The following ELF5 variants were observed in gnomAD, a reference collection of about 807,000 sequenced individuals.
ELF5 encodes the protein ETS-related transcription factor Elf-5.
ELF5 carries 31 observed loss-of-function variants against 38.2 expected under a neutral mutation model. The ratio of observed to expected loss-of-function variants is 0.81; its 90% CI spans 0.61 to 1.10. ELF5 has a LOEUF of 1.10. Among genes scored for constraint, ELF5 ranks in the 50% least tolerant of loss-of-function variants. The pLI is 0.00. For synonymous variants in ELF5, 121 were observed against 112.5 expected, an observed-to-expected ratio of 1.08 and a Z score of -0.48; for missense variants, 300 against 306.6, an observed-to-expected ratio of 0.98 and a Z score of 0.16.
chr11:34,492,162 C>T (rs1218844626), intron 3 of ELF5: 3 of 152,248 alleles, frequency 2.0e-5, no homozygotes, highest in Non-Finnish European at 4.4e-5. Flanking sequence ...CAAACTTGTC[C>T]TCTTTCAGGG....
chr11:34,502,483 C>T (rs577310744), intron 2 of ELF5, among the ~76,000 whole-genome samples: 4 of 152,342 alleles, frequency 2.6e-5, no homozygotes, highest in Non-Finnish European at 5.9e-5. Flanking sequence ...GTGGCAACGT[C>T]CTTGTTGATA....
chr11:34,482,981 G>A (rs559469861), intron 4 of ELF5, among the ~76,000 whole-genome samples: 36 of 152,170 alleles, frequency 2.4e-4, no homozygotes, highest in Admixed American at 3.9e-4. Flanking sequence ...ACCAGGACAA[G>A]CATTGCCAGA....
At position 34,483,821 on chromosome 11, in the gene ELF5, C is replaced by T. The variant is rs569905126; in HGVS notation, c.407-1322G>A. ...AGTATACCATGACAACTATACTATA[C>T]TATATCATACTGCACTGTTCTGTAC... is the stretch of plus-strand genomic sequence containing the variant. On this transcript the variant is annotated intron_variant, in intron 4 of 6. Coordinates refer to ENST00000257832, the MANE Select transcript of ELF5 (RefSeq NM_001422.4). 1.9e-4 allele frequency among the ~76,000 whole-genome samples: 29 copies of T among 151,848 alleles called. No homozygotes were observed. The East Asian group carries it at 3.7e-3, about 19-fold the overall frequency.
intron 2 of ELF5, among the ~76,000 whole-genome samples, chr11:34,498,704 A>C (rs1436314945): frequency 2.6e-5 from 4 of 152,208 alleles, no homozygotes; most frequent in Admixed American, 6.5e-5. Context: ...ATGCATCTTC[A>C]AGAGAAAGAT....
intron 3 of ELF5, 110 bp from the exon 4 acceptor site, chr11:34,490,169 T>C (rs1850128206): frequency 2.5e-6 from 3 of 1,217,774 alleles, no homozygotes; most frequent in Admixed American, 3.4e-5. Context: ...CCTCTTGAGG[T>C]TGGTTACAAT....
At chr11:34,490,156 G>T in intron 3 of ELF5, 97 bp from the exon 4 acceptor site, 3 of 1,341,834 alleles carry the variant, frequency 2.2e-6, no homozygotes, top group Non-Finnish European at 3.2e-6. Flanking sequence ...TGGAGTGACT[G>T]TCCCTCTTGA....
chr11:34,511,474 A>G, intron 1 of ELF5: 1 of 1,605,928 alleles, frequency 6.2e-7, no homozygotes, highest in African/African-American at 1.3e-5. Context: ...GAAAAGCTCA[A>G]GAATGATTAA....
In ELF5 at chr11:34,505,744, C is replaced by T; in HGVS notation, c.6G>A (p.Leu2=). 6.2e-7 allele frequency: 1 copy of T among 1,613,348 alleles called. No homozygotes were observed. Among genetic ancestry groups the T allele is most frequent in the Non-Finnish European group, 8.5e-7 (1 of 1,179,628 alleles). M[L]DSVTHSTFLP... ...GGAAGGTGCTGTGTGTCACCGAGTCCAACATTACCCTGCAACAGCAGGAGA... is the reference window on the plus strand; with the variant it reads ...GGAAGGTGCTGTGTGTCACCGAGTCTAACATTACCCTGCAACAGCAGGAGA... The change falls in exon 2 of 7, where the codon TTG becomes TTA. Residue 2 remains leucine (L), a synonymous_variant. Coordinates refer to ENST00000257832, the MANE Select transcript of ELF5 (RefSeq NM_001422.4).
At chr11:34,503,303 T>C (rs948000220) in intron 2 of ELF5, among the ~76,000 whole-genome samples, 4 of 123,460 alleles carry the variant, frequency 3.2e-5, no homozygotes, top group Middle Eastern at 6.8e-3. Flanking sequence ...GGACTACAGG[T>C]GCGTGCCACC....
intron 6 of ELF5, 131 bp from the exon 7 acceptor site, chr11:34,480,445 C>T (rs1856910487): frequency 5.6e-6 from 4 of 718,348 alleles, no homozygotes; most frequent in Non-Finnish European, 9.5e-6. Flanking sequence ...TTTTCATGCC[C>T]TGTTATCAAC....
intron 6 of ELF5, 41 bp from the exon 7 acceptor site, chr11:34,480,355 A>G: frequency 6.7e-7 from 1 of 1,493,028 alleles, no homozygotes; most frequent in Non-Finnish European, 9.3e-7. Context: ...GAGAGCTTGC[A>G]CCCTAGGAAA....
At chr11:34,484,024 T>A (rs1194272676) in intron 4 of ELF5, among the ~76,000 whole-genome samples, 2 of 151,336 alleles carry the variant, frequency 1.3e-5, no homozygotes, top group Non-Finnish European at 2.9e-5. Context: ...TGTACTGTAC[T>A]AACTATATTG....
intron 1 of ELF5, among the ~76,000 whole-genome samples, chr11:34,512,947 G>A (rs993029432): frequency 5.9e-5 from 9 of 152,076 alleles, no homozygotes; most frequent in Admixed American, 3.3e-4. Flanking sequence ...TGCACCTAGT[G>A]ATGTCTGACA....
At chr11:34,507,538 T>A (rs925643500) in intron 1 of ELF5, among the ~76,000 whole-genome samples, 4 of 152,298 alleles carry the variant, frequency 2.6e-5, no homozygotes, top group African/African-American at 9.6e-5. Context: ...GGGTGTGTGG[T>A]TGAGGCTGGA....
Position 34,493,682 on chromosome 11 carries a change from G to C in ELF5, c.152C>G (p.Pro51Arg), listed in dbSNP as rs1850240174. The C allele has an allele frequency of 6.2e-7, 1 of 1,614,156 alleles. No individual in the cohort carries two copies. The highest frequency in any genetic ancestry group is 8.5e-7 in the Non-Finnish European group (1 of 1,180,018). ...CACATGGCGCTTAGTCCAGTATTCA[G>C]GGTGGACTGATGTCCAGTATGAGTC... is the stretch of plus-strand genomic sequence containing the variant. ...ACDSYWTSVH[P>R]EYWTKRHVWE... The change falls in exon 3 of 7, where the codon CCT becomes CGT. Residue 51 changes from proline to arginine, a missense_variant. By Grantham distance (103) the Pro-to-Arg change is moderately radical (BLOSUM62 -2). Transcript: ENST00000257832.
At chr11:34,509,078 C>T (rs1025478950) in intron 1 of ELF5, among the ~76,000 whole-genome samples, 9 of 152,066 alleles carry the variant, frequency 5.9e-5, no homozygotes, top group African/African-American at 2.2e-4. Flanking sequence ...GCCTGTAATC[C>T]CAGCACTTTG....
intron 2 of ELF5, among the ~76,000 whole-genome samples, chr11:34,499,381 G>A (rs1850399114): frequency 6.6e-6 from 1 of 151,722 alleles, no homozygotes; most frequent in Non-Finnish European, 1.5e-5. Context: ...AGCTGGGACC[G>A]CAGTTGTGCA....
chr11:34,490,334 G>A (rs965054200), intron 3 of ELF5, among the ~76,000 whole-genome samples: 4 of 152,184 alleles, frequency 2.6e-5, no homozygotes, highest in African/African-American at 9.6e-5. Context: ...CAGGCACTGG[G>A]GAGTAAGCTC....
intron 4 of ELF5, among the ~76,000 whole-genome samples, chr11:34,485,228 C>T (rs1277398210): frequency 6.6e-6 from 1 of 152,202 alleles, no homozygotes; most frequent in Non-Finnish European, 1.5e-5. Flanking sequence ...AGAGAGTTCT[C>T]ATTGCAAAGC....
Sources: gnomAD v4.1 joint callset for allele counts (sites outside exome capture counted in the v4.1 genomes callset) on GRCh38, gnomAD v4.1.1 for gene constraint, MANE v1.5 for transcripts, NCBI Gene and HGNC (gene_info 2026-07-23, HGNC 2026-07-21) for gene names.